Variants in PCDHGA12 observed in about 807,000 individuals in gnomAD.
The protein encoded by PCDHGA12 is protocadherin gamma-A12.
A neutral mutation model predicts 61.1 loss-of-function variants in PCDHGA12; 43 were observed. That is an observed-to-expected ratio of 0.70 (90% CI 0.55 to 0.91). The LOEUF (loss-of-function observed/expected upper bound fraction) is 0.91. Ranked by LOEUF, PCDHGA12 falls within the 40% of genes least tolerant of loss-of-function variation. PCDHGA12 has a pLI of 0.00. For missense variants in PCDHGA12, 1,236 were observed against 1,227.7 expected (o/e 1.01, Z -0.10); for synonymous variants, 520 against 542.9 (o/e 0.96, Z 0.59).
At chr5:141,444,783 C>A (rs551686741) in intron 1 of PCDHGA12, among the ~76,000 whole-genome samples, 2 of 152,100 alleles carry the variant, frequency 1.3e-5, no homozygotes, top group Non-Finnish European at 2.9e-5. Context: ...GATCATGTTT[C>A]ATTTGTCTAT....
At position 141,430,970 on chromosome 5, in the gene PCDHGA12, A is replaced by G. The variant is rs1026736997; in HGVS notation, c.211A>G (p.Arg71Gly). The G allele has an allele frequency of 1.9e-6, 3 of 1,613,068 alleles. No homozygotes were observed. The highest frequency in any genetic ancestry group is 2.5e-6 in the Non-Finnish European group (3 of 1,179,598). ...CGGAGTCCGCATCATCCCCAGAGGT[A>G]GGACGCAGCTTTTCGCCCTGAATCC... is the stretch of plus-strand genomic sequence containing the variant. The part of the protein sequence containing the change: ...ERGVRIIPRG[R>G]TQLFALNPRS... The change falls in exon 1 of 4, where the codon AGG becomes GGG. Residue 71 changes from arginine to glycine, a missense_variant. Transcript: ENST00000252085.
At position 141,432,950 on chromosome 5, in the gene PCDHGA12, G is replaced by T. The variant is rs750033444; in HGVS notation, c.2191G>T (p.Gly731Cys). ...KSRLLQASGG[G>C]LTGAPASHFV... ...ACGCCTGCTGCAGGCTTCAGGAGGCGGCTTGACAGGAGCGCCGGCGTCGCA... is the reference window on the plus strand; with the variant it reads ...ACGCCTGCTGCAGGCTTCAGGAGGCTGCTTGACAGGAGCGCCGGCGTCGCA... The change falls in exon 1 of 4, where the codon GGC becomes TGC. Residue 731 changes from glycine to cysteine, a missense_variant. By Grantham distance (159) the Gly-to-Cys change is radical (BLOSUM62 -3). Coordinates refer to ENST00000252085, the MANE Select transcript of PCDHGA12 (RefSeq NM_003735.3). This position sits in a 1 kb window ranked among gnomAD's most constrained non-coding sequence, Gnocchi z 6.0. 6 of 1,614,072 alleles carry T rather than the reference G, an allele frequency of 3.7e-6. No individual in the cohort carries two copies. Among genetic ancestry groups the T allele is most frequent in the Admixed American group, 1.7e-5 (1 of 60,010 alleles).
chr5:141,465,532 C>T (rs1175698109), intron 1 of PCDHGA12, among the ~76,000 whole-genome samples: 1 of 152,138 alleles, frequency 6.6e-6, no homozygotes, highest in Non-Finnish European at 1.5e-5. Flanking sequence ...GGAAGTTTTC[C>T]CAGGCATTTT....
chr5:141,448,945 A>G (rs1288079348), intron 1 of PCDHGA12, among the ~76,000 whole-genome samples: 1 of 151,716 alleles, frequency 6.6e-6, no homozygotes, highest in Non-Finnish European at 1.5e-5. Context: ...ACTGCAACTC[A>G]AAAAAACAAA....
In PCDHGA12 at chr5:141,432,921, A is replaced by G; in HGVS notation, c.2162A>G (p.Lys721Arg). Residue 721 changes from lysine to arginine, a missense_variant, in exon 1 of 4, where the codon AAG becomes AGG. Lys to Arg is a conservative substitution (Grantham distance 26). Transcript: ENST00000252085. The surrounding 1 kb of genome is among the most constrained non-coding windows in gnomAD (Gnocchi z 6.0). Reference protein sequence around the residue: ...LLALRLRRWHKSRLLQASGGG... With the variant: ...LLALRLRRWHRSRLLQASGGG... ...GCGCTCAGGCTGCGGCGCTGGCACAAGTCACGCCTGCTGCAGGCTTCAGGA... is the reference window on the plus strand; with the variant it reads ...GCGCTCAGGCTGCGGCGCTGGCACAGGTCACGCCTGCTGCAGGCTTCAGGA... 6.2e-7 allele frequency: 1 copy of G among 1,614,114 alleles called. No individual in the cohort carries two copies. The highest frequency in any genetic ancestry group is 1.7e-4 in the Middle Eastern group (1 of 6,060).
rs781550738 is a variant in PCDHGA12 at position 141,487,383 on chromosome 5, C to A, written c.2425-7424C>A. On this transcript the variant is annotated intron_variant, in intron 1 of 3. Transcript: ENST00000252085. This position sits in a 1 kb window ranked among gnomAD's most constrained non-coding sequence, Gnocchi z 5.0. Reference sequence around the variant, plus strand: ...GGCACCTGTGCCTGTCTCACCAGATCTCGAAGGAGGGAGGGGCTTCCCCCT... The same window carrying A: ...GGCACCTGTGCCTGTCTCACCAGATATCGAAGGAGGGAGGGGCTTCCCCCT... The A allele has an allele frequency of 3.7e-6, 6 of 1,614,196 alleles. No individual in the cohort carries two copies. The South Asian group carries it at 6.6e-5, about 18-fold the overall frequency.
chr5:141,491,598 C>T lies in PCDHGA12; in HGVS notation c.2425-3209C>T, dbSNP rs1410472886. On this transcript the variant is annotated intron_variant, in intron 1 of 3. Transcript: ENST00000252085. This position sits in a 1 kb window ranked among gnomAD's most constrained non-coding sequence, Gnocchi z 6.9. ...TTTCACCGGCCTCGGACGGCAGTGA[C>T]TTCACTTTTCTAAGACCCCTCAGCG... 1.4e-5 allele frequency: 22 copies of T among 1,613,872 alleles called. No homozygotes were observed. The highest frequency in any genetic ancestry group is 1.8e-5 in the Non-Finnish European group (21 of 1,180,048).
intron 1 of PCDHGA12, chr5:141,478,169 G>A (rs2099436111): frequency 1.2e-6 from 2 of 1,613,716 alleles, no homozygotes; most frequent in Admixed American, 1.7e-5. Flanking sequence ...TGCCCCCCGG[G>A]AGCAGAAAAA....
intron 1 of PCDHGA12, chr5:141,484,875 T>G: frequency 3.2e-6 from 1 of 317,108 alleles, no homozygotes; most frequent in Non-Finnish European, 5.8e-6. Context: ...GCGTGGAGGA[T>G]AGGGTGGGCT....
In PCDHGA12 at chr5:141,487,218, C is replaced by T; in HGVS notation, c.2425-7589C>T. The T allele has an allele frequency of 6.2e-7, 1 of 1,613,938 alleles. No individual in the cohort carries two copies. The highest frequency in any genetic ancestry group is 1.3e-5 in the African/African-American group (1 of 75,024). On this transcript the variant is annotated intron_variant, in intron 1 of 3. Coordinates refer to ENST00000252085, the MANE Select transcript of PCDHGA12 (RefSeq NM_003735.3). The surrounding 1 kb of genome is among the most constrained non-coding windows in gnomAD (Gnocchi z 5.0). ...CCAGATCTTCGAGAATCTTCAGCTCCAAGGGAAGGAGAATCTCGTCTAACC... is the reference window on the plus strand; with the variant it reads ...CCAGATCTTCGAGAATCTTCAGCTCTAAGGGAAGGAGAATCTCGTCTAACC...
chr5:141,467,736 G>A (rs1435480730), intron 1 of PCDHGA12, among the ~76,000 whole-genome samples: 1 of 151,902 alleles, frequency 6.6e-6, no homozygotes, highest in Non-Finnish European at 1.5e-5. Flanking sequence ...ATCCCAGCTC[G>A]CTGCAACCTC....
At chr5:141,450,792 G>T (rs1222162745) in intron 1 of PCDHGA12, among the ~76,000 whole-genome samples, 2 of 149,686 alleles carry the variant, frequency 1.3e-5, no homozygotes, top group Non-Finnish European at 3.0e-5. Context: ...CGGACCTCAT[G>T]ATTGTATTTA....
chr5:141,435,855 G>A (rs1164301394), intron 1 of PCDHGA12, among the ~76,000 whole-genome samples: 1 of 152,006 alleles, frequency 6.6e-6, no homozygotes, highest in Non-Finnish European at 1.5e-5. Flanking sequence ...AGATACAATA[G>A]TTAAAACCCA....
Position 141,476,873 on chromosome 5 carries a change from G to A in PCDHGA12, c.2425-17934G>A. 1.9e-6 allele frequency: 3 copies of A among 1,613,936 alleles called. No homozygotes were observed. Among genetic ancestry groups the A allele is most frequent in the Non-Finnish European group, 2.5e-6 (3 of 1,180,038 alleles). Reference sequence around the variant, plus strand: ...CAACCAGTCCTTGTACCGGGCGCGCGTCCTGGAGGATGCACCCTCCGGCAC... The same window carrying A: ...CAACCAGTCCTTGTACCGGGCGCGCATCCTGGAGGATGCACCCTCCGGCAC... On this transcript the variant is annotated intron_variant, in intron 1 of 3. Transcript: ENST00000252085. The surrounding 1 kb of genome is among the most constrained non-coding windows in gnomAD (Gnocchi z 7.6).
In PCDHGA12 at chr5:141,511,599, C is replaced by G; in HGVS notation, c.*426C>G. 4.0e-6 allele frequency: 1 copy of G among 252,540 alleles called. No homozygotes were observed. Among genetic ancestry groups the G allele is most frequent in the South Asian group, 5.2e-5 (1 of 19,398 alleles). 15.6% of individuals were successfully genotyped at this position (252,540 alleles called of 1,614,324 possible). ...GTTGGGGTGTTGAAGTACCAAGTAA[C>G]CTACAAGCCTCCTAGTTCTGAAAAG... On this transcript the variant is annotated 3_prime_UTR_variant, in exon 4 of 4. Coordinates refer to ENST00000252085, the MANE Select transcript of PCDHGA12 (RefSeq NM_003735.3).
chr5:141,463,480 G>A (rs964539275), intron 1 of PCDHGA12, among the ~76,000 whole-genome samples: 3 of 114,320 alleles, frequency 2.6e-5, no homozygotes, highest in African/African-American at 1.1e-4. Context: ...ATGGAGTCTC[G>A]CTCTGTCACC....
intron 1 of PCDHGA12, among the ~76,000 whole-genome samples, chr5:141,483,997 T>G (rs2099590025): frequency 8.6e-5 from 6 of 69,516 alleles, no homozygotes; most frequent in East Asian, 4.4e-4. Context: ...TGCTGGGAGG[T>G]CTGGATGAGG....
chr5:141,450,150 G>T (rs1314865325), intron 1 of PCDHGA12, among the ~76,000 whole-genome samples: 1 of 150,342 alleles, frequency 6.7e-6, no homozygotes, highest in Non-Finnish European at 1.5e-5. Flanking sequence ...GGGACTACAG[G>T]CATGTGCCAC....
intron 1 of PCDHGA12, among the ~76,000 whole-genome samples, chr5:141,433,805 C>T (rs1325364387): frequency 1.3e-5 from 2 of 150,004 alleles, no homozygotes; most frequent in South Asian, 4.2e-4. Flanking sequence ...CCATTGCACT[C>T]CAGCCTGGGC....
Sources: gnomAD v4.1 joint callset for allele counts (sites outside exome capture counted in the v4.1 genomes callset) on GRCh38, gnomAD v4.1.1 for gene constraint, Gnocchi (gnomAD v3.1) non-coding constraint, MANE v1.5 for transcripts, NCBI Gene and HGNC (gene_info 2026-07-23, HGNC 2026-07-21) for gene names.